SPATA13: variants seen among roughly 807,000 people sequenced by gnomAD.
SPATA13 encodes the protein spermatogenesis-associated protein 13.
A neutral mutation model predicts 104.0 loss-of-function variants in SPATA13; 50 were observed. That is an observed-to-expected ratio of 0.48 (90% CI 0.38 to 0.61). SPATA13 has a LOEUF of 0.61. Ranked by LOEUF, SPATA13 falls within the 20% of genes least tolerant of loss-of-function variation. SPATA13 has a pLI of 0.00. For missense variants in SPATA13, 1,524 were observed against 1,690.6 expected (o/e 0.90, Z 1.73); for synonymous variants, 606 against 667.5 (o/e 0.91, Z 1.42).
intron 3 of SPATA13, among the ~76,000 whole-genome samples, chr13:24,136,186 T>G (rs979667521): frequency 6.6e-6 from 1 of 152,222 alleles, no homozygotes; most frequent in African/African-American, 2.4e-5. Context: ...TCCTTATTTT[T>G]AAATAAACAA....
intron 12 of SPATA13, among the ~76,000 whole-genome samples, chr13:24,301,357 A>G (rs1051983948): frequency 2.0e-5 from 3 of 152,108 alleles, no homozygotes; most frequent in African/African-American, 7.2e-5. Context: ...ACCACACTTA[A>G]CACTCCCCTG....
chr13:23,992,948 A>G (rs1875482994), intron 2 of SPATA13, among the ~76,000 whole-genome samples: 1 of 152,220 alleles, frequency 6.6e-6, no homozygotes, highest in African/African-American at 2.4e-5. Flanking sequence ...ACAATGCAGC[A>G]TGGGAATTTC....
At chr13:24,137,876 A>G (rs556365211) in intron 3 of SPATA13, among the ~76,000 whole-genome samples, 1 of 152,320 alleles carries the variant, frequency 6.6e-6, no homozygotes, top group African/African-American at 2.4e-5. Context: ...AGTCAGAGAG[A>G]TGGGTAACTA....
At chr13:24,267,980 C>T (rs1874372306) in intron 4 of SPATA13, among the ~76,000 whole-genome samples, 1 of 152,206 alleles carries the variant, frequency 6.6e-6, no homozygotes, top group Admixed American at 6.5e-5. Flanking sequence ...GGGCAGGGCC[C>T]AGGAATCTGA....
intron 3 of SPATA13, among the ~76,000 whole-genome samples, chr13:24,089,460 G>T (rs1252447664): frequency 2.0e-5 from 3 of 152,200 alleles, no homozygotes; most frequent in Non-Finnish European, 4.4e-5. Context: ...GTAGGCAGAA[G>T]AGTCTAGACT....
At chr13:24,049,582 T>A (rs989335532) in intron 3 of SPATA13, among the ~76,000 whole-genome samples, 4 of 152,072 alleles carry the variant, frequency 2.6e-5, no homozygotes, top group Non-Finnish European at 5.9e-5. Context: ...AAATGTAACA[T>A]GCTGTAATGC....
intron 3 of SPATA13, among the ~76,000 whole-genome samples, chr13:24,058,707 A>G (rs754803085): frequency 2.0e-5 from 3 of 151,890 alleles, no homozygotes; most frequent in Non-Finnish European, 4.4e-5. Flanking sequence ...TCAGTGAATA[A>G]TCGCTAACTA....
chr13:24,000,233 A>C (rs1006006693), intron 2 of SPATA13, among the ~76,000 whole-genome samples: 3 of 152,230 alleles, frequency 2.0e-5, no homozygotes, highest in South Asian at 2.1e-4. Flanking sequence ...GACCTGGCCT[A>C]GGGGCTGGGA....
intron 4 of SPATA13, chr13:24,270,943 G>A (rs1874551290): frequency 6.6e-7 from 1 of 1,517,190 alleles, no homozygotes; most frequent in East Asian, 2.3e-5. Context: ...TTGTTGTACT[G>A]TGACATGTTG....
chr13:24,157,487 A>G (rs1399059417), upstream of SPATA13, among the ~76,000 whole-genome samples: 1 of 152,034 alleles, frequency 6.6e-6, no homozygotes, highest in Non-Finnish European at 1.5e-5. Flanking sequence ...TTTTTAGTAG[A>G]GACGGGGTTT....
intron 2 of SPATA13, among the ~76,000 whole-genome samples, chr13:24,248,763 G>C (rs563812260): frequency 3.9e-5 from 6 of 152,334 alleles, no homozygotes; most frequent in Non-Finnish European, 8.8e-5. Context: ...GTTATTGAAA[G>C]AAGTGGGTAG....
chr13:24,003,113 G>A (rs761138888), intron 2 of SPATA13, among the ~76,000 whole-genome samples: 1 of 152,084 alleles, frequency 6.6e-6, no homozygotes, highest in Non-Finnish European at 1.5e-5. Flanking sequence ...AATCCCATCT[G>A]TCTGGTTTTC....
At chr13:24,062,576 G>T (rs1878809153) in intron 3 of SPATA13, among the ~76,000 whole-genome samples, 1 of 152,100 alleles carries the variant, frequency 6.6e-6, no homozygotes, top group African/African-American at 2.4e-5. Flanking sequence ...ATCCGGTGAC[G>T]AAGGAGCCTC....
At chr13:24,123,453 TAGATCTTTTTCTTC>T (rs1881107237) in intron 3 of SPATA13, 2 of 1,502,356 alleles carry the variant, frequency 1.3e-6, no homozygotes, top group Non-Finnish European at 1.9e-6. Flanking sequence ...CTGATCGTTA[TAGATCTTTTTCTTC>T]AGAAGTATTT....
intron 4 of SPATA13, among the ~76,000 whole-genome samples, chr13:24,278,157 G>A (rs1480174022): frequency 6.6e-5 from 10 of 152,138 alleles, no homozygotes; most frequent in Admixed American, 6.5e-4. Flanking sequence ...ACACAGATTT[G>A]GATACTAACA....
chr13:24,264,809 C>T (rs1874218406), intron 4 of SPATA13, among the ~76,000 whole-genome samples: 1 of 152,196 alleles, frequency 6.6e-6, no homozygotes, highest in Non-Finnish European at 1.5e-5. Flanking sequence ...AACAGGAAAA[C>T]AATGGCCTTC....
At chr13:23,984,078 G>A (rs1875037616) in intron 2 of SPATA13, 1 of 355,074 alleles carries the variant, frequency 2.8e-6, no homozygotes, top group Non-Finnish European at 3.9e-6. Context: ...ACTAACAAGG[G>A]TGTAATTGGA....
upstream of SPATA13, among the ~76,000 whole-genome samples, chr13:24,157,122 G>A (rs1462253865): frequency 6.6e-6 from 1 of 152,126 alleles, no homozygotes; most frequent in Non-Finnish European, 1.5e-5. Flanking sequence ...GTGAAAGTCT[G>A]GTCTGTGGCA....
At chr13:24,236,217 T>C (rs1367443265) in intron 2 of SPATA13, among the ~76,000 whole-genome samples, 1 of 152,188 alleles carries the variant, frequency 6.6e-6, no homozygotes, top group Non-Finnish European at 1.5e-5. Flanking sequence ...ATCTGTAAAG[T>C]AGAATTAAAT....
Sources: gnomAD v4.1 joint callset for allele counts (sites outside exome capture counted in the v4.1 genomes callset) on GRCh38, gnomAD v4.1.1 for gene constraint, MANE v1.5 for transcripts, NCBI Gene and HGNC (gene_info 2026-07-23, HGNC 2026-07-21) for gene names.